Variants in NXPH1 observed in about 807,000 individuals in gnomAD.
The protein encoded by NXPH1 is neurexophilin-1.
NXPH1 carries 5 observed loss-of-function variants against 23.7 expected under a neutral mutation model. That is an observed-to-expected ratio of 0.21 (90% CI 0.11 to 0.44). The LOEUF (loss-of-function observed/expected upper bound fraction) is 0.44. Ranked by LOEUF, NXPH1 falls within the 20% of genes least tolerant of loss-of-function variation. NXPH1 has a pLI of 0.99. For synonymous variants in NXPH1, 144 were observed against 122.2 expected (o/e 1.18, Z -1.18); for missense variants, 324 against 321.6 (o/e 1.01, Z -0.06).
chr7:8,679,100 A>AC (rs1278283306), intron 2 of NXPH1, among the ~76,000 whole-genome samples: 2 of 150,992 alleles, frequency 1.3e-5, no homozygotes, highest in Non-Finnish European at 3.0e-5. Context: ...GGCGCCCACC[A>AC]CCACGCCCGG....
chr7:8,530,348 C>T (rs1235811628), intron 2 of NXPH1, among the ~76,000 whole-genome samples: 3 of 152,194 alleles, frequency 2.0e-5, no homozygotes, highest in Non-Finnish European at 4.4e-5. Flanking sequence ...ATACAAAGAA[C>T]ATTTCGCTCA....
At chr7:8,463,999 C>G (rs1358411742) in intron 2 of NXPH1, among the ~76,000 whole-genome samples, 2 of 152,066 alleles carry the variant, frequency 1.3e-5, no homozygotes, top group Non-Finnish European at 1.5e-5. Flanking sequence ...ACCATATGTT[C>G]CCAGAGACGT....
At chr7:8,732,258 A>G (rs890348846) in intron 2 of NXPH1, among the ~76,000 whole-genome samples, 5 of 152,174 alleles carry the variant, frequency 3.3e-5, no homozygotes, top group African/African-American at 7.2e-5. Context: ...CCCTAGTGAG[A>G]TGAACCCGGT....
chr7:8,593,613 G>C (rs1819151759), intron 2 of NXPH1, among the ~76,000 whole-genome samples: 1 of 151,986 alleles, frequency 6.6e-6, no homozygotes, highest in Non-Finnish European at 1.5e-5. Context: ...AATAAAATGA[G>C]TAAATAAATA....
chr7:8,564,089 G>A (rs1485867738), intron 2 of NXPH1, among the ~76,000 whole-genome samples: 2 of 151,646 alleles, frequency 1.3e-5, no homozygotes, highest in Admixed American at 6.6e-5. Flanking sequence ...TGTCCCCAGA[G>A]CACAAAAATT....
intron 2 of NXPH1, among the ~76,000 whole-genome samples, chr7:8,555,759 G>A (rs6963644): frequency 0.14 from 21,066 of 151,562 alleles, 2,387 homozygotes; most frequent in African/African-American, 0.31. Flanking sequence ...GAACCTTTGC[G>A]TTTGTTATTT....
chr7:8,590,963 G>T (rs572602224), intron 2 of NXPH1, among the ~76,000 whole-genome samples: 3 of 152,008 alleles, frequency 2.0e-5, no homozygotes, highest in African/African-American at 7.2e-5. Flanking sequence ...CTTCAATTAG[G>T]TGTTGCTTCT....
At chr7:8,554,348 C>A (rs865818276) in intron 2 of NXPH1, among the ~76,000 whole-genome samples, 1 of 151,502 alleles carries the variant, frequency 6.6e-6, no homozygotes, top group Non-Finnish European at 1.5e-5. Context: ...AGAGGAGGAG[C>A]AATACCGACC....
chr7:8,622,370 A>G (rs1018022269), intron 2 of NXPH1, among the ~76,000 whole-genome samples: 11 of 152,222 alleles, frequency 7.2e-5, no homozygotes, highest in Non-Finnish European at 1.5e-4. Flanking sequence ...TAGTGTGAGC[A>G]GAGCTGTGAC....
intron 2 of NXPH1, among the ~76,000 whole-genome samples, chr7:8,735,522 T>C (rs1018672994): frequency 1.3e-5 from 2 of 152,212 alleles, no homozygotes; most frequent in Admixed American, 6.5e-5. Context: ...TTGGATGTGC[T>C]GCTGCATTTG....
chr7:8,463,892 C>T (rs939244469), intron 2 of NXPH1, among the ~76,000 whole-genome samples: 1 of 152,166 alleles, frequency 6.6e-6, no homozygotes, highest in African/African-American at 2.4e-5. Flanking sequence ...CTATTGCTGG[C>T]ATTATTTCTC....
Position 8,435,466 on chromosome 7 carries a change from C to A in NXPH1, c.-110-138C>A. On this transcript the variant is annotated intron_variant, in intron 1 of 2. Coordinates refer to ENST00000405863, the MANE Select transcript of NXPH1 (RefSeq NM_152745.3). This position sits in a 1 kb window ranked among gnomAD's most constrained non-coding sequence, Gnocchi z 5.9. The stretch of plus-strand genomic sequence containing the variant: ...GCTGGTCTCAGGCGCTGGATTTACT[C>A]GCTTTTCAATTTTTCGTACCCTCCC... The A allele has an allele frequency of 1.8e-6, 1 of 566,176 alleles. No individual in the cohort carries two copies. The highest frequency in any genetic ancestry group is 3.1e-6 in the Non-Finnish European group (1 of 317,768). The allele number at this position is 566,176 out of a possible 1,614,324, so 35.1% of individuals were successfully genotyped here. A position where few individuals can be genotyped will look rare whatever the true frequency, so the allele number is the denominator to read the frequency against.
At chr7:8,546,080 T>A (rs1332290538) in intron 2 of NXPH1, among the ~76,000 whole-genome samples, 2 of 151,534 alleles carry the variant, frequency 1.3e-5, no homozygotes, top group Non-Finnish European at 3.0e-5. Flanking sequence ...CTTATAAATT[T>A]GCTCTTAGTG....
chr7:8,680,495 T>C lies in NXPH1; in HGVS notation c.55-70513T>C, dbSNP rs17153652. On this transcript the variant is annotated intron_variant, in intron 2 of 2. Coordinates refer to ENST00000405863, the MANE Select transcript of NXPH1 (RefSeq NM_152745.3). ...CTTATAGATTATTTCTCCAAATGACTCAAGAGAAAATGTTAGGTAGTATAT... is the reference window on the plus strand; with the variant it reads ...CTTATAGATTATTTCTCCAAATGACCCAAGAGAAAATGTTAGGTAGTATAT... Among the ~76,000 whole-genome samples, 1,374 of 152,310 alleles carry C rather than the reference T, an allele frequency of 9.0e-3. 24 individuals carry two copies. The highest frequency in any genetic ancestry group is 0.031 in the African/African-American group (1,301 of 41,564).
At chr7:8,501,089 T>C (rs1302343274) in intron 2 of NXPH1, among the ~76,000 whole-genome samples, 1 of 152,070 alleles carries the variant, frequency 6.6e-6, no homozygotes, top group Non-Finnish European at 1.5e-5. Context: ...ATCTTCAGCA[T>C]AGTTTTGGTT....
chr7:8,554,610 A>G (rs1818326804), intron 2 of NXPH1, among the ~76,000 whole-genome samples: 1 of 151,730 alleles, frequency 6.6e-6, no homozygotes, highest in East Asian at 2.0e-4. Flanking sequence ...TTTCAGGAAA[A>G]GCAAAAGAGT....
intron 2 of NXPH1, among the ~76,000 whole-genome samples, chr7:8,465,417 C>T (rs542245657): frequency 6.6e-6 from 1 of 152,262 alleles, no homozygotes; most frequent in African/African-American, 2.4e-5. Context: ...CCTCTCACCC[C>T]TGAAAGGCTT....
intron 2 of NXPH1, among the ~76,000 whole-genome samples, chr7:8,730,053 A>G (rs1188959135): frequency 6.6e-6 from 1 of 152,160 alleles, no homozygotes; most frequent in Non-Finnish European, 1.5e-5. Context: ...ATTTAAGACA[A>G]TTAGCTCTTC....
chr7:8,471,831 T>A (rs953043776), intron 2 of NXPH1, among the ~76,000 whole-genome samples: 2 of 152,128 alleles, frequency 1.3e-5, no homozygotes, highest in South Asian at 4.1e-4. Context: ...GCATCTTAAA[T>A]TCTTTTCATT....
Sources: allele counts gnomAD v4.1 joint callset (sites outside exome capture counted in the v4.1 genomes callset), GRCh38; gene constraint gnomAD v4.1.1; non-coding constraint Gnocchi (gnomAD v3.1); transcripts MANE v1.5; gene names NCBI Gene and HGNC (gene_info 2026-07-23, HGNC 2026-07-21).